NCKAP5: variants seen among roughly 807,000 people sequenced by gnomAD.
NCKAP5 encodes the protein NCK associated protein 5, also known as nck-associated protein 5.
A neutral mutation model predicts 167.0 loss-of-function variants in NCKAP5; 92 were observed. The ratio of observed to expected loss-of-function variants is 0.55; its 90% CI spans 0.47 to 0.66. The LOEUF is 0.66. Among genes scored for constraint, NCKAP5 ranks in the 30% least tolerant of loss-of-function variants. The pLI is 0.00. For synonymous variants in NCKAP5, 891 were observed against 877.4 expected (o/e 1.02, Z -0.27); for missense variants, 2,378 against 2,315.0 (o/e 1.03, Z -0.56).
chr2:132,988,090 T>C (rs2077342750), intron 7 of NCKAP5, among the ~76,000 whole-genome samples: 1 of 152,124 alleles, frequency 6.6e-6, no homozygotes. Flanking sequence ...CCTTATAGCA[T>C]TGGGAAGAGT....
intron 6 of NCKAP5, among the ~76,000 whole-genome samples, chr2:133,080,743 T>C (rs114165507): frequency 1.2e-3 from 190 of 152,220 alleles, no homozygotes; most frequent in Middle Eastern, 6.8e-3. Flanking sequence ...ACTTGAAATA[T>C]AATTGTGGAG....
intron 3 of NCKAP5, among the ~76,000 whole-genome samples, chr2:133,311,393 G>A (rs1681220648): frequency 6.6e-6 from 1 of 152,206 alleles, no homozygotes; most frequent in Non-Finnish European, 1.5e-5. Context: ...GCTCTCTCCT[G>A]GCACACTGCC....
chr2:133,393,652 G>T (rs938720368), intron 3 of NCKAP5, among the ~76,000 whole-genome samples: 1 of 152,206 alleles, frequency 6.6e-6, no homozygotes, highest in Non-Finnish European at 1.5e-5. Context: ...ATTTATGAAA[G>T]TGTGAGTTCT....
intron 19 of NCKAP5, among the ~76,000 whole-genome samples, chr2:132,694,568 C>A (rs920134610): frequency 6.6e-6 from 1 of 152,156 alleles, no homozygotes; most frequent in Non-Finnish European, 1.5e-5. Flanking sequence ...GGATTCGATT[C>A]CCAGTTAGAA....
At chr2:132,708,945 A>G (rs1264473478) in intron 19 of NCKAP5, among the ~76,000 whole-genome samples, 1 of 152,132 alleles carries the variant, frequency 6.6e-6, no homozygotes, top group Non-Finnish European at 1.5e-5. Flanking sequence ...TGCTTTTTGC[A>G]TCTGATTTAA....
At chr2:133,511,543 A>G (rs1683494656) in intron 3 of NCKAP5, among the ~76,000 whole-genome samples, 1 of 152,226 alleles carries the variant, frequency 6.6e-6, no homozygotes, top group African/African-American at 2.4e-5. Context: ...GGCACAGTCA[A>G]TATTTCAGCG....
chr2:133,021,165 T>G (rs2078513684), intron 6 of NCKAP5, among the ~76,000 whole-genome samples: 1 of 152,302 alleles, frequency 6.6e-6, no homozygotes, highest in Non-Finnish European at 1.5e-5. Context: ...CTATGCATTT[T>G]AACATTTCAG....
intron 5 of NCKAP5, among the ~76,000 whole-genome samples, chr2:133,212,498 G>GGA (rs2086253206): frequency 6.6e-6 from 1 of 152,116 alleles, no homozygotes; most frequent in Non-Finnish European, 1.5e-5. Context: ...TTCCTGAGTA[G>GGA]CTGCAATTAT....
At chr2:133,161,085 G>A (rs956224189) in intron 5 of NCKAP5, among the ~76,000 whole-genome samples, 4 of 152,114 alleles carry the variant, frequency 2.6e-5, no homozygotes, top group Non-Finnish European at 4.4e-5. Flanking sequence ...TATCATAGGA[G>A]TGCAAATCCT....
At chr2:133,095,946 A>AG in intron 6 of NCKAP5, among the ~76,000 whole-genome samples, 1 of 152,110 alleles carries the variant, frequency 6.6e-6, no homozygotes. Flanking sequence ...CGGTGGACAC[A>AG]TGGCCTCAGG....
intron 3 of NCKAP5, among the ~76,000 whole-genome samples, chr2:133,381,882 T>C (rs1002083210): frequency 1.3e-5 from 2 of 152,196 alleles, no homozygotes; most frequent in East Asian, 1.9e-4. Flanking sequence ...TAAGAGGCTA[T>C]AGCCAGCCAC....
At chr2:133,574,985 T>C in the NCKAP5 span, among the ~76,000 whole-genome samples, 7 of 152,200 alleles carry the variant, frequency 4.6e-5, no homozygotes, top group South Asian at 4.1e-4. Context: ...ACTGCTCCCT[T>C]GCCTTGGCCT....
chr2:133,168,280 A>AT (rs35632445), intron 5 of NCKAP5, among the ~76,000 whole-genome samples: 1,738 of 125,974 alleles, frequency 0.014, 30 homozygotes, highest in East Asian at 0.065. Flanking sequence ...AACTGATAAC[A>AT]TTTTTTTTTT....
chr2:133,363,608 C>T (rs1180988715), intron 3 of NCKAP5, among the ~76,000 whole-genome samples: 2 of 152,044 alleles, frequency 1.3e-5, no homozygotes, highest in African/African-American at 4.8e-5. Context: ...GGGAAAGCTC[C>T]TTATGGATTG....
intron 7 of NCKAP5, among the ~76,000 whole-genome samples, chr2:132,973,824 G>A (rs2076903174): frequency 6.6e-6 from 1 of 151,970 alleles, no homozygotes. Context: ...AGAAACAAAA[G>A]GCCAGTGAGA....
intron 11 of NCKAP5, among the ~76,000 whole-genome samples, chr2:132,827,555 T>A (rs1687217098): frequency 6.6e-6 from 1 of 152,208 alleles, no homozygotes; most frequent in African/African-American, 2.4e-5. Flanking sequence ...TCCTCGCAAC[T>A]TCCCTATGGG....
intron 11 of NCKAP5, among the ~76,000 whole-genome samples, chr2:132,819,575 G>A (rs540738606): frequency 3.3e-5 from 5 of 152,230 alleles, no homozygotes; most frequent in Admixed American, 2.0e-4. Flanking sequence ...ATCAATACAC[G>A]GTCATAAAGC....
At position 132,782,272 on chromosome 2, in the gene NCKAP5, C is replaced by G; in HGVS notation, c.4539G>C (p.Arg1513=). ...GPSFASWFGF[R]KSRLPALSSR... ...TACTCAGAGCTGGAAGTCTACTCTTCCGAAAACCAAACCAGCTGGCAAAAG... is the reference window on the plus strand; with the variant it reads ...TACTCAGAGCTGGAAGTCTACTCTTGCGAAAACCAAACCAGCTGGCAAAAG... The change falls in exon 14 of 20, where the codon CGG becomes CGC. Residue 1513 remains arginine (R), a synonymous_variant. Transcript: ENST00000409261. The G allele has an allele frequency of 6.2e-7, 1 of 1,614,036 alleles. No homozygotes were observed. The highest frequency in any genetic ancestry group is 2.2e-5 in the East Asian group (1 of 44,882).
chr2:132,901,363 G>A (rs1693614695), intron 8 of NCKAP5, among the ~76,000 whole-genome samples: 1 of 152,156 alleles, frequency 6.6e-6, no homozygotes. Flanking sequence ...TTGAAAACAT[G>A]ACCAAATTCA....
Sources: allele counts gnomAD v4.1 joint callset (sites outside exome capture counted in the v4.1 genomes callset), GRCh38; gene constraint gnomAD v4.1.1; transcripts MANE v1.5; gene names NCBI Gene and HGNC (gene_info 2026-07-23, HGNC 2026-07-21).